Variants in ATG4A observed in about 807,000 individuals in gnomAD.
ATG4A encodes the protein cysteine protease ATG4A.
In ATG4A, 22 loss-of-function variants were observed where a neutral mutation model predicts 38.4. The ratio of observed to expected loss-of-function variants is 0.57; its 90% CI spans 0.41 to 0.82. ATG4A has a LOEUF of 0.82. Among genes scored for constraint, ATG4A ranks in the 40% least tolerant of loss-of-function variants. The pLI is 0.00. For missense variants in ATG4A, 220 were observed against 290.0 expected (o/e 0.76, Z 1.75); for synonymous variants, 86 against 100.7 (o/e 0.85, Z 0.88).
intron 9 of ATG4A, 147 bp downstream of exon 9, chrX:108,138,338 C>T (rs148267792): frequency 5.2e-5 from 26 of 502,602 alleles, no homozygotes; most frequent in African/African-American, 1.6e-4. Flanking sequence ...CTTCTGTCTC[C>T]GGCCTAACTG....
intron 9 of ATG4A, among the ~76,000 whole-genome samples, chrX:108,146,856 C>CT (rs763995910): frequency 1.1e-3 from 117 of 111,195 alleles, no homozygotes; most frequent in African/African-American, 3.7e-3. Flanking sequence ...CTATTAGAAC[C>CT]TTTTTTAACT....
upstream of ATG4A, chrX:108,091,699 G>C (rs981472466): frequency 1.2e-5 from 12 of 993,777 alleles, no homozygotes; most frequent in Non-Finnish European, 1.3e-5. Flanking sequence ...TTCCGGGCAG[G>C]GAGGCGCCTT....
upstream of ATG4A, among the ~76,000 whole-genome samples, chrX:108,090,371 CCT>C (rs1295811887): frequency 8.9e-6 from 1 of 111,778 alleles, no homozygotes; most frequent in Non-Finnish European, 1.9e-5. Flanking sequence ...AGTTCCTTTC[CCT>C]TTTTAAGCCA....
chrX:108,126,606 C>G (rs187498272), intron 2 of ATG4A, among the ~76,000 whole-genome samples: 24 of 111,457 alleles, frequency 2.2e-4, no homozygotes, highest in Non-Finnish European at 3.6e-4. Context: ...ATAAAAACAC[C>G]CAAGGACTTC....
chrX:108,094,914 A>G (rs1273678471), intron 1 of ATG4A, among the ~76,000 whole-genome samples: 4 of 112,540 alleles, frequency 3.6e-5, no homozygotes, highest in Non-Finnish European at 5.6e-5. Flanking sequence ...TATATGCTGC[A>G]AATTCTTATG....
At chrX:108,091,296 G>T (rs1204238691), upstream of ATG4A, 6 of 697,143 alleles carry the variant, frequency 8.6e-6, no homozygotes, top group Non-Finnish European at 1.4e-5. Flanking sequence ...GGGCGGCGGG[G>T]GCGGGGTTCT....
chrX:108,150,728 C>T (rs770171315), intron 10 of ATG4A, among the ~76,000 whole-genome samples: 1 of 112,146 alleles, frequency 8.9e-6, no homozygotes, highest in African/African-American at 3.2e-5. Flanking sequence ...TATTCACTAC[C>T]ACAAGGATGG....
In ATG4A at chrX:108,107,116, C is replaced by T. The variant is rs146596652; in HGVS notation, c.10+15280C>T. 9.9e-5 allele frequency among the ~76,000 whole-genome samples: 11 copies of T among 111,331 alleles called. No homozygotes were observed. The East Asian group carries it at 3.1e-3, about 31-fold the overall frequency. On this transcript the variant is annotated intron_variant, in intron 1 of 12. Coordinates refer to ENST00000372232, the MANE Select transcript of ATG4A (RefSeq NM_052936.5). ...TTTTTTTAATACTCCTTTAGTCCCACACTGTTTCTCCTCTCCTCCTGGAAC... is the reference window on the plus strand; with the variant it reads ...TTTTTTTAATACTCCTTTAGTCCCATACTGTTTCTCCTCTCCTCCTGGAAC...
At chrX:108,117,120 T>C (rs2032531142) in intron 1 of ATG4A, among the ~76,000 whole-genome samples, 2 of 111,900 alleles carry the variant, frequency 1.8e-5, no homozygotes, top group Admixed American at 1.9e-4. Flanking sequence ...AGTAAAGGAT[T>C]GTTAAATTGA....
chrX:108,119,556 C>T (rs1054111574), intron 1 of ATG4A, among the ~76,000 whole-genome samples: 3 of 111,811 alleles, frequency 2.7e-5, no homozygotes, highest in Non-Finnish European at 5.6e-5. Flanking sequence ...TTGCAACCCC[C>T]TATATAGATT....
chrX:108,090,848 T>G (rs759846471), upstream of ATG4A, among the ~76,000 whole-genome samples: 41 of 112,830 alleles, frequency 3.6e-4, no homozygotes, highest in Admixed American at 3.3e-3. Flanking sequence ...TAACCTTCCC[T>G]TCTTTGCAAA....
chrX:108,142,047 G>A (rs1158443616), intron 9 of ATG4A, among the ~76,000 whole-genome samples: 1 of 111,211 alleles, frequency 9.0e-6, no homozygotes, highest in Non-Finnish European at 1.9e-5. Context: ...AACATGGATG[G>A]AGCTGGAGGC....
intron 1 of ATG4A, among the ~76,000 whole-genome samples, chrX:108,097,493 T>C (rs1305905022): frequency 8.9e-6 from 1 of 111,846 alleles, no homozygotes; most frequent in Non-Finnish European, 1.9e-5. Context: ...CATGTAGCTC[T>C]TAAAGACTTG....
At chrX:108,130,893 A>G (rs899572208) in intron 3 of ATG4A, among the ~76,000 whole-genome samples, 1 of 111,809 alleles carries the variant, frequency 8.9e-6, no homozygotes, top group Admixed American at 9.5e-5. Flanking sequence ...CAAGTGAGCT[A>G]TGCAAGGCAA....
intron 1 of ATG4A, among the ~76,000 whole-genome samples, chrX:108,095,825 C>T (rs2031800201): frequency 9.2e-6 from 1 of 109,229 alleles, no homozygotes; most frequent in Admixed American, 9.7e-5. Flanking sequence ...ATTCTTGTGC[C>T]TCAGCCTCCT....
intron 1 of ATG4A, among the ~76,000 whole-genome samples, chrX:108,104,157 A>G (rs1445311514): frequency 8.9e-6 from 1 of 112,426 alleles, no homozygotes; most frequent in Non-Finnish European, 1.9e-5. Flanking sequence ...TTTGTTTTTT[A>G]ACTTCTATAC....
chrX:108,126,215 G>A, intron 2 of ATG4A, 28 bp downstream of exon 2: 1 of 1,071,126 alleles, frequency 9.3e-7, no homozygotes, highest in Non-Finnish European at 1.3e-6. Flanking sequence ...TTGTCTGTAA[G>A]AACCCAGATG....
At chrX:108,119,051 A>G (rs2032582203) in intron 1 of ATG4A, among the ~76,000 whole-genome samples, 1 of 112,226 alleles carries the variant, frequency 8.9e-6, no homozygotes, top group Non-Finnish European at 1.9e-5. Context: ...TTTATTTAGA[A>G]GTTCACATAC....
chrX:108,137,660 G>A (rs2148011865), intron 7 of ATG4A, 144 bp from the exon 8 acceptor site: 1 of 512,264 alleles, frequency 2.0e-6, no homozygotes, highest in East Asian at 3.6e-5. Context: ...TGCAGGCGGG[G>A]AGTCAGCTGA....
Sources: allele counts gnomAD v4.1 joint callset (sites outside exome capture counted in the v4.1 genomes callset), GRCh38; gene constraint gnomAD v4.1.1; transcripts MANE v1.5; gene names NCBI Gene and HGNC (gene_info 2026-07-23, HGNC 2026-07-21).